Variants in TMEM232 observed in about 807,000 individuals in gnomAD.
TMEM232 encodes transmembrane protein 232.
In TMEM232, 80 loss-of-function variants were observed where a neutral mutation model predicts 78.8. The ratio of observed to expected loss-of-function variants is 1.01; its 90% CI spans 0.85 to 1.22. TMEM232 has a LOEUF of 1.22. Among genes scored for constraint, TMEM232 ranks in the 50% most tolerant of loss-of-function variants. The pLI is 0.00. For synonymous variants in TMEM232, 297 were observed against 254.3 expected (o/e 1.17, Z -1.60); for missense variants, 881 against 742.2 (o/e 1.19, Z -2.17).
At chr5:110,663,498 G>C (rs1790085818) in intron 2 of TMEM232, among the ~76,000 whole-genome samples, 1 of 151,348 alleles carries the variant, frequency 6.6e-6, no homozygotes, top group Non-Finnish European at 1.5e-5. Flanking sequence ...CTATTATACT[G>C]GCAAAAATTA....
At chr5:110,619,005 G>A (rs369570483) in intron 7 of TMEM232, among the ~76,000 whole-genome samples, 4 of 152,166 alleles carry the variant, frequency 2.6e-5, no homozygotes, top group Non-Finnish European at 5.9e-5. Flanking sequence ...GCAAGACATC[G>A]TCAATGTCTG....
At chr5:110,645,723 G>C (rs1374692563) in intron 2 of TMEM232, among the ~76,000 whole-genome samples, 1 of 151,530 alleles carries the variant, frequency 6.6e-6, no homozygotes, top group East Asian at 1.9e-4. Context: ...CTTAGCCAGA[G>C]CAAGTAAGTA....
intron 11 of TMEM232, among the ~76,000 whole-genome samples, chr5:110,541,247 T>C (rs1157033961): frequency 1.3e-5 from 2 of 152,168 alleles, no homozygotes; most frequent in African/African-American, 2.4e-5. Context: ...AGCCTGCTCA[T>C]TGTGTGCACT....
rs1756526385 is a variant in TMEM232, at chr5:110,420,587, A to C, written c.1967T>G (p.Val656Gly). The change falls in exon 14 of 14, where the codon GTA (valine) becomes GGA (glycine). Residue 656 changes from valine to glycine, a missense_variant. Transcript: ENST00000455884. ...TGACATTTTCTTTTCTAATTAAATT[A>C]CTTCCTTCCTATAAGGAAGTTCATA... Reference protein sequence around the residue: ...KPYELPYRKEVI With the variant: ...KPYELPYRKEGI The C allele has an allele frequency of 3.4e-6, 5 of 1,458,678 alleles. No homozygotes were observed. The highest frequency in any genetic ancestry group is 2.7e-5 in the East Asian group (1 of 36,764). The allele number at this position is 1,458,678 out of a possible 1,614,324, so 90.4% of individuals were successfully genotyped here.
intron 10 of TMEM232, among the ~76,000 whole-genome samples, chr5:110,601,123 C>G (rs1395277621): frequency 6.6e-6 from 1 of 152,122 alleles, no homozygotes. Flanking sequence ...ATGCTAAAAG[C>G]ACTCAATAAA....
At chr5:110,405,888 A>G (rs1755773672) in intron 2 of TMEM232, among the ~76,000 whole-genome samples, 1 of 151,966 alleles carries the variant, frequency 6.6e-6, no homozygotes, top group African/African-American at 2.4e-5. Context: ...TATTTTACAA[A>G]TTTTATAAAA....
intron 2 of TMEM232, among the ~76,000 whole-genome samples, chr5:110,652,288 G>GCGCGCGCA (rs1478523371): frequency 3.9e-3 from 33 of 8,518 alleles, no homozygotes; most frequent in African/African-American, 8.5e-3. Context: ...AAAAGTGCAC[G>GCGCGCGCA]CGCGCGCACA....
chr5:110,483,787 C>T (rs1229710306), intron 12 of TMEM232, among the ~76,000 whole-genome samples: 1 of 151,934 alleles, frequency 6.6e-6, no homozygotes, highest in African/African-American at 2.4e-5. Context: ...CCCATTTGAC[C>T]CAGCAATTTC....
At chr5:110,564,916 ATGT>A (rs1349620016) in intron 11 of TMEM232, among the ~76,000 whole-genome samples, 2 of 152,034 alleles carry the variant, frequency 1.3e-5, no homozygotes, top group Admixed American at 1.3e-4. Context: ...TACTCCATCA[ATGT>A]TGTAAACTTT....
upstream of TMEM232, among the ~76,000 whole-genome samples, chr5:110,729,855 T>C (rs1798510548): frequency 6.6e-6 from 1 of 152,198 alleles, no homozygotes; most frequent in African/African-American, 2.4e-5. Flanking sequence ...CTGTTTAAAG[T>C]AACAAATTGA....
chr5:110,708,308 A>C (rs1580746603), intron 1 of TMEM232, among the ~76,000 whole-genome samples: 2 of 152,234 alleles, frequency 1.3e-5, no homozygotes, highest in Admixed American at 1.3e-4. Flanking sequence ...GAGGGATTTC[A>C]TCAACACCAG....
chr5:110,656,566 A>G (rs9326806), intron 2 of TMEM232, among the ~76,000 whole-genome samples: 41,452 of 152,154 alleles, frequency 0.27, 6,804 homozygotes, highest in African/African-American at 0.47. Context: ...CAGGCCAGGC[A>G]CAGTGGCTCA....
chr5:110,557,537 C>T (rs1775242406), intron 11 of TMEM232, among the ~76,000 whole-genome samples: 1 of 152,136 alleles, frequency 6.6e-6, no homozygotes, highest in Admixed American at 6.5e-5. Context: ...GGTTAAGCAG[C>T]CTATACAGGA....
intron 10 of TMEM232, among the ~76,000 whole-genome samples, chr5:110,601,749 C>A (rs1160516189): frequency 3.3e-5 from 5 of 152,082 alleles, no homozygotes; most frequent in Non-Finnish European, 7.4e-5. Flanking sequence ...CAATACTATT[C>A]CCATCAAGCT....
At chr5:110,486,466 C>G (rs999528081) in intron 12 of TMEM232, among the ~76,000 whole-genome samples, 12 of 151,870 alleles carry the variant, frequency 7.9e-5, no homozygotes, top group South Asian at 2.1e-4. Flanking sequence ...GGGTTAAGTC[C>G]TCAATTCATC....
At chr5:110,646,542 A>C (rs1787503136) in intron 2 of TMEM232, among the ~76,000 whole-genome samples, 1 of 151,824 alleles carries the variant, frequency 6.6e-6, no homozygotes, top group African/African-American at 2.4e-5. Context: ...CCATGTTCAA[A>C]AATCAGTTCA....
chr5:110,702,812 A>G (rs929658083), intron 1 of TMEM232, among the ~76,000 whole-genome samples: 4 of 152,040 alleles, frequency 2.6e-5, no homozygotes, highest in South Asian at 2.1e-4. Flanking sequence ...AGAAAAATCA[A>G]CATAGTTAGC....
intron 7 of TMEM232, among the ~76,000 whole-genome samples, chr5:110,623,278 T>G (rs1238779682): frequency 6.6e-6 from 1 of 152,062 alleles, no homozygotes; most frequent in African/African-American, 2.4e-5. Context: ...TATAAAACTT[T>G]CAATGCAATT....
intron 12 of TMEM232, among the ~76,000 whole-genome samples, chr5:110,435,532 A>C (rs1758335266): frequency 6.6e-6 from 1 of 151,778 alleles, no homozygotes; most frequent in Non-Finnish European, 1.5e-5. Context: ...CTATTGTGCT[A>C]TCAAGTACTA....
Sources: gnomAD v4.1 joint callset for allele counts (sites outside exome capture counted in the v4.1 genomes callset) on GRCh38, gnomAD v4.1.1 for gene constraint, MANE v1.5 for transcripts, NCBI Gene and HGNC (gene_info 2026-07-23, HGNC 2026-07-21) for gene names.